Variants in RSRP1 observed in about 807,000 individuals in gnomAD.
The protein encoded by RSRP1 is arginine/serine-rich protein 1.
Under a neutral mutation model 33.0 loss-of-function variants are expected in RSRP1, and 37 were observed. The observed-to-expected ratio is 1.12, with a 90% confidence interval of 0.86 to 1.48. The LOEUF (loss-of-function observed/expected upper bound fraction) is 1.48, where lower values mean the gene tolerates loss of function less well. RSRP1 is among the 40% of genes most tolerant of loss of function. The pLI is 0.00. For synonymous variants in RSRP1, 167 were observed against 158.7 expected (o/e 1.05, Z -0.40); for missense variants, 402 against 385.3 (o/e 1.04, Z -0.36).
rs1252947928 is a variant in RSRP1, at chr1:25,245,056, C to G, written c.672+94G>C. 5 of 1,609,222 alleles carry G rather than the reference C, an allele frequency of 3.1e-6. No individual in the cohort carries two copies. The African/African-American group carries it at 4.0e-5, about 13-fold the overall frequency. On this transcript the variant is annotated intron_variant, in intron 3 of 4. Coordinates refer to ENST00000243189, the MANE Select transcript of RSRP1 (RefSeq NM_020317.5). The stretch of plus-strand genomic sequence containing the variant: ...TTAGCACATTATATACATCTCTAGA[C>G]TTCCCAAAAAGTATAGTCTAAGATA...
chr1:25,257,707 C>T (rs996329976), intron 1 of RSRP1, among the ~76,000 whole-genome samples: 1 of 151,512 alleles, frequency 6.6e-6, no homozygotes. Context: ...TCAAGTGATC[C>T]TCCCACCTCA....
At position 25,283,364 on chromosome 1, in the gene RSRP1, C is replaced by G. The variant is rs1227479314; in HGVS notation, c.-66-36335G>C. On this transcript the variant is annotated intron_variant, in intron 1 of 1. Coordinates refer to the RSRP1 transcript ENST00000561867. The stretch of plus-strand genomic sequence containing the variant: ...TGGCCAACATAGCGAAACCCCTTCT[C>G]TATTAAAAATACAAAAATTAGCCGG... Among the ~76,000 whole-genome samples, 4 of 131,242 alleles carry G rather than the reference C, an allele frequency of 3.0e-5. No homozygotes were observed. The East Asian group carries it at 5.9e-4, about 19-fold the overall frequency. 86.1% of individuals were successfully genotyped at this position (131,242 alleles called of 152,430 possible). A position where few individuals can be genotyped will look rare whatever the true frequency, so the allele number is the denominator to read the frequency against.
intron 1 of RSRP1, chr1:25,301,164 A>T: frequency 1.6e-6 from 2 of 1,276,832 alleles, no homozygotes; most frequent in Non-Finnish European, 1.1e-6. Flanking sequence ...GCTCTGGCTG[A>T]AAAAATCTCC....
At chr1:25,281,388 A>C (rs1227864652) in intron 1 of RSRP1, among the ~76,000 whole-genome samples, 1 of 131,728 alleles carries the variant, frequency 7.6e-6, no homozygotes, top group Non-Finnish European at 1.8e-5. Flanking sequence ...GGAAAATGGA[A>C]GAATTGCTCT....
Position 25,307,738 on chromosome 1 carries a change from G to C in RSRP1, c.-67+30240C>G, listed in dbSNP as rs769600983. On this transcript the variant is annotated intron_variant, in intron 1 of 1. Transcript: ENST00000561867. ...CGTGTCTCAGAGAAATCATGGAGGCGCTGCGGTTCCTACCGGTTCTTGGAT... is the reference window on the plus strand; with the variant it reads ...CGTGTCTCAGAGAAATCATGGAGGCCCTGCGGTTCCTACCGGTTCTTGGAT... The C allele has an allele frequency of 2.0e-5, 26 of 1,307,442 alleles. 5 individuals carry two copies. In the South Asian group the frequency reaches 3.2e-4, roughly 16 times the overall value. 81.0% of individuals were successfully genotyped at this position (1,307,442 alleles called of 1,614,324 possible).
intron 1 of RSRP1, among the ~76,000 whole-genome samples, chr1:25,270,420 G>A (rs1005757878): frequency 7.6e-6 from 1 of 130,970 alleles, no homozygotes; most frequent in East Asian, 2.0e-4. Flanking sequence ...GATCAGCAGC[G>A]GCATTAGATT....
chr1:25,265,491 C>G (rs1250011182), intron 1 of RSRP1, among the ~76,000 whole-genome samples: 1 of 111,818 alleles, frequency 8.9e-6, no homozygotes, highest in African/African-American at 3.1e-5. Context: ...TTTTTTGAGA[C>G]AGAGTCTCAC....
At chr1:25,261,607 T>A (rs1420773416) in intron 1 of RSRP1, among the ~76,000 whole-genome samples, 1 of 151,856 alleles carries the variant, frequency 6.6e-6, no homozygotes, top group Non-Finnish European at 1.5e-5. Context: ...GGTTTCACCA[T>A]GTTAGCCAGG....
intron 1 of RSRP1, among the ~76,000 whole-genome samples, chr1:25,299,253 G>T (rs1643193684): frequency 7.8e-6 from 1 of 128,450 alleles, no homozygotes. Context: ...ACGGTGGTGG[G>T]TGCCTGTAAT....
rs1441002141 is a variant in RSRP1 at position 25,331,779 on chromosome 1, A to G, written c.-67+6199T>C. ...TTTTGAGACGGAGTCTCGCTCTGTTACCCAGGCTGGAGTGCAGTGGCGCGA... is the reference window on the plus strand; with the variant it reads ...TTTTGAGACGGAGTCTCGCTCTGTTGCCCAGGCTGGAGTGCAGTGGCGCGA... On this transcript the variant is annotated intron_variant, in intron 1 of 1. Coordinates refer to the RSRP1 transcript ENST00000561867. 9.9e-5 allele frequency among the ~76,000 whole-genome samples: 9 copies of G among 90,934 alleles called. 2 individuals carry two copies. The highest frequency in any genetic ancestry group is 2.7e-4 in the African/African-American group (7 of 26,006). The allele number at this position is 90,934 out of a possible 152,430, so 59.7% of individuals were successfully genotyped here.
At chr1:25,294,296 A>G (rs1642751370) in intron 1 of RSRP1, 1 of 1,238,716 alleles carries the variant, frequency 8.1e-7, no homozygotes, top group Admixed American at 1.8e-5. Context: ...AGGCATCCCC[A>G]TGAACATAAT....
At chr1:25,321,102 C>A (rs1289451240) in intron 1 of RSRP1, among the ~76,000 whole-genome samples, 1 of 130,660 alleles carries the variant, frequency 7.7e-6, no homozygotes, top group East Asian at 2.0e-4. Context: ...AGGACAGGCA[C>A]TTAAGCAAGT....
chr1:25,273,155 A>G (rs2124579551), intron 1 of RSRP1, among the ~76,000 whole-genome samples: 1 of 129,056 alleles, frequency 7.7e-6, no homozygotes, highest in African/African-American at 2.6e-5. Context: ...TTTCTTTTTG[A>G]GGCAGGGTCT....
chr1:25,267,879 G>A (rs1640364571), intron 1 of RSRP1: 1 of 131,572 alleles, frequency 7.6e-6, no homozygotes, highest in African/African-American at 2.6e-5. Flanking sequence ...CAGAGCGGCG[G>A]AAAGCCCCTG....
intron 1 of RSRP1, among the ~76,000 whole-genome samples, chr1:25,261,898 A>G (rs1398047911): frequency 3.6e-5 from 5 of 140,840 alleles, no homozygotes; most frequent in East Asian, 2.1e-4. Context: ...TTTTAGTAGA[A>G]ATGGGGTTTC....
At chr1:25,338,248 T>C (rs1645119097), upstream of RSRP1, 1 of 152,164 alleles carries the variant, frequency 6.6e-6, no homozygotes, top group African/African-American at 2.4e-5. Context: ...CGCAGACGCG[T>C]TGTTGTGGTG....
At chr1:25,284,794 T>C (rs1387017783) in intron 1 of RSRP1, 1 of 1,370,202 alleles carries the variant, frequency 7.3e-7, no homozygotes, top group Non-Finnish European at 1.0e-6. Flanking sequence ...TTCTGGGTCA[T>C]AGAGGGAATG....
intron 1 of RSRP1, among the ~76,000 whole-genome samples, chr1:25,298,650 A>G (rs538625457): frequency 7.6e-6 from 1 of 131,928 alleles, no homozygotes; most frequent in South Asian, 2.3e-4. Context: ...CTCTTTATGT[A>G]TGACTGAGGG....
intron 1 of RSRP1, among the ~76,000 whole-genome samples, chr1:25,254,299 G>A (rs1639881587): frequency 6.6e-6 from 1 of 152,122 alleles, no homozygotes; most frequent in Non-Finnish European, 1.5e-5. Flanking sequence ...TATACAGGAG[G>A]CACCCTTGAT....
Sources: gnomAD v4.1 joint callset for allele counts (sites outside exome capture counted in the v4.1 genomes callset) on GRCh38, gnomAD v4.1.1 for gene constraint, MANE v1.5 for transcripts, NCBI Gene and HGNC (gene_info 2026-07-23, HGNC 2026-07-21) for gene names.